Variants in UFL1 observed in about 807,000 individuals in gnomAD.
UFL1 encodes the protein UFM1 specific ligase 1, also known as E3 UFM1-protein ligase 1.
A neutral mutation model predicts 99.3 loss-of-function variants in UFL1; 78 were observed. That is an observed-to-expected ratio of 0.79 (90% CI 0.65 to 0.95). The LOEUF is 0.95. Among genes scored for constraint, UFL1 ranks in the 40% least tolerant of loss-of-function variants. The probability of loss-of-function intolerance (pLI) is 0.00; values close to 1 mark genes in which losing one functional copy is unlikely to be tolerated. For missense variants in UFL1, 936 were observed against 937.0 expected (o/e 1.00, Z 0.01); for synonymous variants, 335 against 322.2 (o/e 1.04, Z -0.42).
chr6:96,541,120 C>G (rs1057002571), intron 11 of UFL1, among the ~76,000 whole-genome samples: 5 of 151,364 alleles, frequency 3.3e-5, no homozygotes, highest in Admixed American at 1.3e-4. Context: ...GCCTCCTAAC[C>G]CTTCGGAATA....
At position 96,524,747 on chromosome 6, in the gene UFL1, T is replaced by C. The variant is rs922722856; in HGVS notation, c.252+337T>C. ...AGTTTATGTCATTTTGGGAGAAAAG[T>C]CACCAGTTTCATGTTTATATGTTTT... On this transcript the variant is annotated intron_variant, in intron 3 of 18. Transcript: ENST00000369278. 4.6e-5 allele frequency among the ~76,000 whole-genome samples: 7 copies of C among 152,158 alleles called. 1 individual carries two copies. Among genetic ancestry groups the C allele is most frequent in the African/African-American group, 1.7e-4 (7 of 41,460 alleles).
At chr6:96,537,127 C>T (rs1281658685) in intron 8 of UFL1, among the ~76,000 whole-genome samples, 1 of 151,578 alleles carries the variant, frequency 6.6e-6, no homozygotes, top group Non-Finnish European at 1.5e-5. Flanking sequence ...TGGTAGAATA[C>T]TGGGTTTTTT....
At chr6:96,529,667 T>C (rs1210171652) in intron 6 of UFL1, among the ~76,000 whole-genome samples, 1 of 152,238 alleles carries the variant, frequency 6.6e-6, no homozygotes, top group African/African-American at 2.4e-5. Flanking sequence ...CACTATCCTT[T>C]AAAGTTTCAC....
chr6:96,526,335 G>T lies in UFL1; in HGVS notation c.365G>T (p.Arg122Leu), dbSNP rs368118548. The T allele has an allele frequency of 1.9e-6, 3 of 1,612,406 alleles. No homozygotes were observed. Among genetic ancestry groups the T allele is most frequent in the Non-Finnish European group, 1.7e-6 (2 of 1,179,344 alleles). ...TTCACTATTAGGAATTATTTGGATC[G>T]GTTGGCAGAAGAGGTCAATGATAAA... ...GQLIDENYLD[R>L]LAEEVNDKLQ... Residue 122 changes from arginine to leucine, a missense_variant, in exon 5 of 19, where the codon CGG (arginine) becomes CTG (leucine). Arg to Leu is a moderately radical substitution (Grantham distance 102, BLOSUM62 -2). Coordinates refer to ENST00000369278, the MANE Select transcript of UFL1 (RefSeq NM_015323.5).
At chr6:96,551,358 A>AT (rs1562257605) in intron 15 of UFL1, 75 bp from the exon 16 acceptor site, 1 of 789,998 alleles carries the variant, frequency 1.3e-6, no homozygotes, top group Non-Finnish European at 2.0e-6. Context: ...TTGTTACAGT[A>AT]TTTTTTTCAC....
intron 10 of UFL1, among the ~76,000 whole-genome samples, chr6:96,540,019 TATC>T (rs1276263426): frequency 6.6e-6 from 1 of 151,346 alleles, no homozygotes; most frequent in Non-Finnish European, 1.5e-5. Context: ...TCATCGTTGT[TATC>T]ATAAACTTTT....
rs147125574 is a variant in UFL1 at position 96,528,520 on chromosome 6, G to A, written c.484G>A (p.Gly162Ser). The A allele has an allele frequency of 1.1e-3, 1,795 of 1,612,966 alleles. 21 individuals carry two copies. The African/African-American group carries it at 0.021, about 19-fold the overall frequency. Residue 162 changes from glycine (G) to serine (S), a missense_variant, in exon 6 of 19, where the codon GGT (glycine) becomes AGT (serine). By Grantham distance (56) the Gly-to-Ser change is moderately conservative. Transcript: ENST00000369278. ...FLTQALTQRLGRIISGHIDLD... is the reference protein window; with the variant it reads ...FLTQALTQRLSRIISGHIDLD... ...CCCACAGGCACTAACTCAGCGACTT[G>A]GTAGAATTATCAGTGGACATATTGA...
At chr6:96,541,795 T>A (rs757238585) in intron 11 of UFL1, among the ~76,000 whole-genome samples, 3 of 151,338 alleles carry the variant, frequency 2.0e-5, no homozygotes, top group Non-Finnish European at 4.4e-5. Flanking sequence ...ATAATGCTAT[T>A]GTATTATAAT....
rs770286377 is a variant in UFL1, at chr6:96,549,376, AT to A, written c.1521-32del. 3.6e-5 allele frequency: 55 copies of A among 1,528,762 alleles called. No homozygotes were observed. The East Asian group carries it at 1.1e-3, about 32-fold the overall frequency. 94.7% of individuals were successfully genotyped at this position (1,528,762 alleles called of 1,614,324 possible). On this transcript the variant is annotated intron_variant, in intron 13 of 18. Coordinates refer to ENST00000369278, the MANE Select transcript of UFL1 (RefSeq NM_015323.5). ...CCTTATCTATATAAATACTCAGTAC[AT>A]TTTAATAAACTAAATATATTTGTCT...
At chr6:96,524,787 A>G in intron 3 of UFL1, among the ~76,000 whole-genome samples, 1 of 152,222 alleles carries the variant, frequency 6.6e-6, no homozygotes. Context: ...ATATGAAAGT[A>G]ATAGAGAAAC....
chr6:96,526,947 T>C (rs1239078528), intron 5 of UFL1, among the ~76,000 whole-genome samples: 2 of 152,170 alleles, frequency 1.3e-5, no homozygotes, highest in Non-Finnish European at 2.9e-5. Flanking sequence ...GTTCCAACTG[T>C]CAGTAATGCC....
intron 3 of UFL1, 123 bp from the exon 4 acceptor site, chr6:96,525,174 A>C (rs1434344639): frequency 8.6e-6 from 6 of 695,572 alleles, no homozygotes; most frequent in Non-Finnish European, 1.4e-5. Flanking sequence ...AAGTGCTGGA[A>C]TCCAGGCATG....
intron 1 of UFL1, 80 bp downstream of exon 1, chr6:96,522,030 C>A: frequency 1.4e-6 from 2 of 1,444,600 alleles, no homozygotes; most frequent in Non-Finnish European, 1.9e-6. Flanking sequence ...TTTAGACCCG[C>A]GGCCCTGCAT....
chr6:96,538,642 C>T lies in UFL1; in HGVS notation c.990C>T (p.Pro330=). 6.2e-7 allele frequency: 1 copy of T among 1,610,500 alleles called. No homozygotes were observed. Among genetic ancestry groups the T allele is most frequent in the Non-Finnish European group, 8.5e-7 (1 of 1,177,820 alleles). Residue 330 remains proline (P), a synonymous_variant, in exon 10 of 19, where the codon CCC becomes CCT. Transcript: ENST00000369278. ...GTTTGTAATTCTAGCCTCTGCTACC[C>T]ACTTCTTTATCAGTTGAAGATGCTG... ...GTWVDIAPLL[P]TSLSVEDAAI...
At chr6:96,542,667 A>C (rs1234889788) in intron 11 of UFL1, among the ~76,000 whole-genome samples, 1 of 151,220 alleles carries the variant, frequency 6.6e-6, no homozygotes, top group Non-Finnish European at 1.5e-5. Flanking sequence ...CAGTCAGGCT[A>C]TCTAAGGTAG....
In UFL1 at chr6:96,554,626, TTTATA is replaced by T. The variant is rs1168733701; in HGVS notation, c.*1125_*1129del. The T allele has an allele frequency of 2.6e-5, 4 of 152,188 alleles. No individual in the cohort carries two copies. Among genetic ancestry groups the T allele is most frequent in the Non-Finnish European group, 5.9e-5 (4 of 67,920 alleles). 9.4% of individuals were successfully genotyped at this position (152,188 alleles called of 1,614,324 possible). On this transcript the variant is annotated 3_prime_UTR_variant, in exon 19 of 19. Coordinates refer to ENST00000369278, the MANE Select transcript of UFL1 (RefSeq NM_015323.5). ...AATTTCAAATATTTAAAAATACTAT[TTTATA>T]TAATTCCTTATGACATTTTAAACTT...
At position 96,552,565 on chromosome 6, in the gene UFL1, C is replaced by T. The variant is rs748770345; in HGVS notation, c.2069C>T (p.Ser690Leu). Residue 690 changes from serine to leucine, a missense_variant, in exon 18 of 19, where the codon TCA (serine) becomes TTA (leucine). Coordinates refer to ENST00000369278, the MANE Select transcript of UFL1 (RefSeq NM_015323.5). ...CCTGCTCTTATTCTGCACCTCACATCAGTCCTGTTGTTTCAGTTTTCAACC... is the reference window on the plus strand; with the variant it reads ...CCTGCTCTTATTCTGCACCTCACATTAGTCCTGTTGTTTCAGTTTTCAACC... The part of the protein sequence containing the change: ...EDPALILHLT[S>L]VLLFQFSTHS... 1.2e-6 allele frequency: 2 copies of T among 1,613,234 alleles called. No homozygotes were observed. The highest frequency in any genetic ancestry group is 1.7e-6 in the Non-Finnish European group (2 of 1,179,696).
At chr6:96,543,800 A>C (rs1018636502) in intron 12 of UFL1, among the ~76,000 whole-genome samples, 1 of 151,130 alleles carries the variant, frequency 6.6e-6, no homozygotes, top group Non-Finnish European at 1.5e-5. Flanking sequence ...ACTGCAAGTT[A>C]ATTGATAATA....
chr6:96,530,732 A>T (rs1233675843), intron 6 of UFL1, among the ~76,000 whole-genome samples: 1 of 152,142 alleles, frequency 6.6e-6, no homozygotes, highest in Non-Finnish European at 1.5e-5. Context: ...GGCTCAGTTC[A>T]TACTTTCCCT....
Sources: gnomAD v4.1 joint callset for allele counts (sites outside exome capture counted in the v4.1 genomes callset) on GRCh38, gnomAD v4.1.1 for gene constraint, MANE v1.5 for transcripts, NCBI Gene and HGNC (gene_info 2026-07-23, HGNC 2026-07-21) for gene names.